Variants in PLPPR3 observed in about 807,000 individuals in gnomAD.
PLPPR3 encodes phospholipid phosphatase related 3.
A neutral mutation model predicts 27.3 loss-of-function variants in PLPPR3; 14 were observed. The ratio of observed to expected loss-of-function variants is 0.51; its 90% CI spans 0.34 to 0.80. The LOEUF (loss-of-function observed/expected upper bound fraction) is 0.80. Ranked by LOEUF, PLPPR3 falls within the 30% of genes least tolerant of loss-of-function variation. The probability of loss-of-function intolerance (pLI) is 0.01; values close to 1 mark genes in which losing one functional copy is unlikely to be tolerated. For synonymous variants in PLPPR3, 671 were observed against 508.0 expected, an observed-to-expected ratio of 1.32 and a Z score of -4.32; for missense variants, 1,287 against 1,056.9, an observed-to-expected ratio of 1.22 and a Z score of -3.02.
In PLPPR3 at chr19:815,688, G is replaced by A; in HGVS notation, c.239C>T (p.Ala80Val). The A allele has an allele frequency of 1.9e-6, 3 of 1,600,350 alleles. No homozygotes were observed. Among genetic ancestry groups the A allele is most frequent in the Non-Finnish European group, 2.6e-6 (3 of 1,174,456 alleles). ...CACCGAGGCGGCAGGGGCCGCGAAG[G>A]CCAAGCTGAGCAGCATCAGCAGCGG... ...LIPLLMLLSL[A>V]FAAPAASIMV... is the part of the protein sequence containing the mutation. Residue 80 changes from alanine (A) to valine (V), a missense_variant, in exon 3 of 8, where the codon GCC becomes GTC. Physicochemically the swap from Ala to Val is moderately conservative, Grantham distance 64. Coordinates refer to ENST00000520876, the MANE Select transcript of PLPPR3 (RefSeq NM_001270366.2).
At chr19:823,755 G>A (rs1247335725), upstream of PLPPR3, among the ~76,000 whole-genome samples, 1 of 152,030 alleles carries the variant, frequency 6.6e-6, no homozygotes, top group Non-Finnish European at 1.5e-5. Context: ...GGTCCCATTC[G>A]ATGCGATCCT....
In PLPPR3 at chr19:814,706, C is replaced by A; in HGVS notation, c.643G>T (p.Ala215Ser). The A allele has an allele frequency of 6.3e-7, 1 of 1,593,938 alleles. No homozygotes were observed. The highest frequency in any genetic ancestry group is 1.1e-5 in the South Asian group (1 of 90,660). Residue 215 changes from alanine (A) to serine (S), a missense_variant, in exon 6 of 8, where the codon GCG (alanine) becomes TCG (serine). Ala to Ser is a moderately conservative substitution (Grantham distance 99). Coordinates refer to ENST00000520876, the MANE Select transcript of PLPPR3 (RefSeq NM_001270366.2). ...SQHATLSAFA[A>S]VYVSMYFNSV... is the part of the protein sequence containing the mutation. ...GCCGGACTCACCGACACATAGACCG[C>A]GGCGAAGGCTGACAGCGTGGCGTGC...
chr19:816,500 C>CCCAT (rs374840651), intron 2 of PLPPR3, among the ~76,000 whole-genome samples: 230 of 129,142 alleles, frequency 1.8e-3, no homozygotes, highest in African/African-American at 5.7e-3. Context: ...CATTCATTCA[C>CCCAT]CCATCCATCC....
upstream of PLPPR3, among the ~76,000 whole-genome samples, chr19:823,441 CAAAAAAAA>C (rs905654427): frequency 1.7e-4 from 7 of 40,094 alleles, no homozygotes; most frequent in Admixed American, 1.3e-3. Flanking sequence ...GACTCTATCT[CAAAAAAAA>C]AAAAAAAAAC....
rs2035041101 is a variant in PLPPR3 at position 815,655 on chromosome 19, C to A, written c.261+11G>T. 1 of 1,566,382 alleles carries A rather than the reference C, an allele frequency of 6.4e-7. No individual in the cohort carries two copies. Among genetic ancestry groups the A allele is most frequent in the Non-Finnish European group, 8.6e-7 (1 of 1,157,688 alleles). On this transcript the variant is annotated intron_variant, in intron 3 of 7. Transcript: ENST00000520876. ...CCACAGGCTGGCACAGGCCCCGGTG[C>A]AGGTGCTCACCGAGGCGGCAGGGGC... is the stretch of plus-strand genomic sequence containing the variant.
chr19:812,886 T>TCCGCCTTGGCCCCGCCGCCCG lies in PLPPR3; in HGVS notation c.1820_1840dup (p.Ala607_Ala613dup). On this transcript the variant is annotated inframe_insertion, in exon 8 of 8. Coordinates refer to ENST00000520876, the MANE Select transcript of PLPPR3 (RefSeq NM_001270366.2). ...CCCCAGCTCGTAGCCGCCGTCGGCC[T>TCCGCCTTGGCCCCGCCGCCCG]CCGCCTTGGCCCCGCCGCCCGCCGC... is the stretch of plus-strand genomic sequence containing the variant. The TCCGCCTTGGCCCCGCCGCCCG allele has an allele frequency of 8.1e-7, 1 of 1,238,036 alleles. No individual in the cohort carries two copies. The highest frequency in any genetic ancestry group is 1.0e-6 in the Non-Finnish European group (1 of 984,184). The allele number at this position is 1,238,036 out of a possible 1,614,324, so 76.7% of individuals were successfully genotyped here.
Position 814,886 on chromosome 19 carries a change from C to T in PLPPR3, c.599G>A (p.Arg200Gln). The change falls in exon 5 of 8, where the codon CGG becomes CAG. Residue 200 changes from arginine to glutamine, a missense_variant and splice_region_variant. Physicochemically the swap from Arg to Gln is conservative, Grantham distance 43 (BLOSUM62 1). Transcript: ENST00000520876. The stretch of plus-strand genomic sequence containing the variant: ...CAGGGGAGTTGGGGGTCCGGCTCAC[C>T]GTGCAGACAGGATGGCGTGGATGTC... ...GHDIHAILSARKTFPSQHATL... is the reference protein window; with the variant it reads ...GHDIHAILSAQKTFPSQHATL... 1.9e-6 allele frequency: 3 copies of T among 1,608,544 alleles called. No individual in the cohort carries two copies. Among genetic ancestry groups the T allele is most frequent in the African/African-American group, 1.3e-5 (1 of 75,030 alleles).
Position 821,581 on chromosome 19 carries a change from C to T in PLPPR3, c.-22G>A. 4 of 1,385,336 alleles carry T rather than the reference C, an allele frequency of 2.9e-6. No homozygotes were observed. Among genetic ancestry groups the T allele is most frequent in the Non-Finnish European group, 3.8e-6 (4 of 1,050,306 alleles). The allele number at this position is 1,385,336 out of a possible 1,614,324, so 85.8% of individuals were successfully genotyped here. A position where few individuals can be genotyped will look rare whatever the true frequency, so the allele number is the denominator to read the frequency against. ...TCATGGTGCCGCGGGCGCCGCAGGCCGTGGCTGGAGGGGAGAAAGCGGCGC... is the reference window on the plus strand; with the variant it reads ...TCATGGTGCCGCGGGCGCCGCAGGCTGTGGCTGGAGGGGAGAAAGCGGCGC... On this transcript the variant is annotated 5_prime_UTR_variant, in exon 2 of 8. Coordinates refer to ENST00000520876, the MANE Select transcript of PLPPR3 (RefSeq NM_001270366.2).
intron 5 of PLPPR3, 43 bp downstream of exon 5, chr19:814,843 C>T (rs201761722): frequency 5.0e-5 from 79 of 1,590,386 alleles, no homozygotes; most frequent in African/African-American, 2.1e-4. Context: ...TTCACCGGGG[C>T]GGAAGAAGGC....
intron 2 of PLPPR3, among the ~76,000 whole-genome samples, chr19:817,525 C>T (rs560379608): frequency 5.9e-5 from 9 of 152,120 alleles, no homozygotes; most frequent in African/African-American, 1.9e-4. Context: ...CCACCTGCCT[C>T]GGCCTCCTGA....
intron 2 of PLPPR3, among the ~76,000 whole-genome samples, chr19:819,341 C>T (rs959323224): frequency 9.9e-5 from 14 of 141,220 alleles, no homozygotes; most frequent in Non-Finnish European, 1.8e-4. Flanking sequence ...AGTGCAGTGG[C>T]GCGATCTCGG....
In PLPPR3 at chr19:815,195, G is replaced by A. The variant is rs146481415; in HGVS notation, c.394C>T (p.Arg132Trp). 209 of 1,603,566 alleles carry A rather than the reference G, an allele frequency of 1.3e-4. No individual in the cohort carries two copies. Among genetic ancestry groups the A allele is most frequent in the Non-Finnish European group, 1.6e-4 (190 of 1,178,416 alleles). ...NFNSFLRRTV[R>W]FVGVHVFGLC... The stretch of plus-strand genomic sequence containing the variant: ...GCGTCCCGCAACTCACCCACAAACC[G>A]CACCGTACGCCGCAGGAAGGAGTTG... The change falls in exon 4 of 8, where the codon CGG (arginine) becomes TGG (tryptophan). Residue 132 changes from arginine to tryptophan, a missense_variant. Coordinates refer to ENST00000520876, the MANE Select transcript of PLPPR3 (RefSeq NM_001270366.2).
In PLPPR3 at chr19:813,082, G is replaced by A. The variant is rs769121132; in HGVS notation, c.1645C>T (p.Pro549Ser). 7.3e-6 allele frequency: 11 copies of A among 1,498,208 alleles called. No individual in the cohort carries two copies. Among genetic ancestry groups the A allele is most frequent in the African/African-American group, 2.9e-5 (2 of 68,684 alleles). 92.8% of individuals were successfully genotyped at this position (1,498,208 alleles called of 1,614,324 possible). A position where few individuals can be genotyped will look rare whatever the true frequency, so the allele number is the denominator to read the frequency against. Residue 549 changes from proline (P) to serine (S), a missense_variant, in exon 8 of 8, where the codon CCG becomes TCG. Coordinates refer to ENST00000520876, the MANE Select transcript of PLPPR3 (RefSeq NM_001270366.2). This position sits in a 1 kb window ranked among gnomAD's most constrained non-coding sequence, Gnocchi z 4.1. The stretch of plus-strand genomic sequence containing the variant: ...GCCGTCTCGGCCGCCTTGGGGCCCG[G>A]CGCGCCCGGAGCCTTGGACATGGCG... ...VIAMSKAPGA[P>S]GPKAAETASS... is the part of the protein sequence containing the mutation.
chr19:820,817 C>G (rs2035132452), intron 2 of PLPPR3, among the ~76,000 whole-genome samples: 1 of 151,616 alleles, frequency 6.6e-6, no homozygotes, highest in Non-Finnish European at 1.5e-5. Flanking sequence ...GCCACAGTGC[C>G]CAGCCTAATT....
At chr19:817,951 A>T (rs1225921547) in intron 2 of PLPPR3, among the ~76,000 whole-genome samples, 1 of 152,088 alleles carries the variant, frequency 6.6e-6, no homozygotes, top group Non-Finnish European at 1.5e-5. Flanking sequence ...GGTGGAGATG[A>T]GTCAATGTGG....
intron 2 of PLPPR3, among the ~76,000 whole-genome samples, chr19:817,431 C>T (rs1016591146): frequency 5.3e-5 from 8 of 152,108 alleles, no homozygotes; most frequent in Non-Finnish European, 1.0e-4. Context: ...CACTACCACA[C>T]CTGGCTAATT....
chr19:815,699 C>G lies in PLPPR3; in HGVS notation c.228G>C (p.Leu76=). The G allele has an allele frequency of 1.2e-6, 2 of 1,605,046 alleles. No individual in the cohort carries two copies. The highest frequency in any genetic ancestry group is 1.7e-6 in the Non-Finnish European group (2 of 1,176,486). Residue 76 remains leucine, a synonymous_variant, in exon 3 of 8, where the codon CTG becomes CTC. Transcript: ENST00000520876. Reference sequence around the variant, plus strand: ...CAGGGGCCGCGAAGGCCAAGCTGAGCAGCATCAGCAGCGGGATGAGCTCCT... The same window carrying G: ...CAGGGGCCGCGAAGGCCAAGCTGAGGAGCATCAGCAGCGGGATGAGCTCCT... The part of the protein sequence containing the change: ...TNEELIPLLM[L]LSLAFAAPAA...
chr19:818,886 A>G (rs2035103503), intron 2 of PLPPR3, among the ~76,000 whole-genome samples: 2 of 150,574 alleles, frequency 1.3e-5, no homozygotes, highest in South Asian at 4.2e-4. Context: ...CTTGAACTCC[A>G]GGCCTCAAGT....
Position 815,310 on chromosome 19 carries a change from GC to G in PLPPR3, c.278del (p.Gly93AlafsTer55). ...APAASIMVAE[G>X]MLYCLQSRLW... ...GCCGGGACTGCAGACAGTACAACATGCCCTCGGCCACCATGATCTGCCAACA... is the reference window on the plus strand; with the variant it reads ...GCCGGGACTGCAGACAGTACAACATGCCTCGGCCACCATGATCTGCCAACA... On this transcript the variant is annotated frameshift_variant, in exon 4 of 8. Coordinates refer to ENST00000520876, the MANE Select transcript of PLPPR3 (RefSeq NM_001270366.2). LOFTEE classifies it high-confidence loss of function. 6.5e-7 allele frequency: 1 copy of G among 1,544,964 alleles called. No homozygotes were observed.
Sources: allele counts gnomAD v4.1 joint callset (sites outside exome capture counted in the v4.1 genomes callset), GRCh38; gene constraint gnomAD v4.1.1; non-coding constraint Gnocchi (gnomAD v3.1); transcripts MANE v1.5; gene names NCBI Gene and HGNC (gene_info 2026-07-23, HGNC 2026-07-21).